The following PAX7 variants were observed in gnomAD, a reference collection of about 807,000 sequenced individuals.
The protein encoded by PAX7 is paired box 7.
Under a neutral mutation model 50.7 loss-of-function variants are expected in PAX7, and 18 were observed. The observed-to-expected ratio is 0.36, with a 90% CI of 0.25 to 0.53. PAX7 has a LOEUF of 0.53. Ranked by LOEUF, PAX7 falls within the 20% of genes least tolerant of loss-of-function variation. The pLI is 0.93. For missense variants in PAX7, 644 were observed against 702.9 expected, an observed-to-expected ratio of 0.92 and a Z score of 0.95; for synonymous variants, 310 against 290.4, an observed-to-expected ratio of 1.07 and a Z score of -0.69.
intron 8 of PAX7, among the ~76,000 whole-genome samples, 186 bp from the exon 9 acceptor site, chr1:18,744,628 G>A (rs1931333494): frequency 6.8e-6 from 1 of 147,244 alleles, no homozygotes; most frequent in South Asian, 2.2e-4. Context: ...AAGGATGATG[G>A]ATGGATGAAA....
chr1:18,634,271 C>T lies in PAX7; in HGVS notation c.86-32C>T, dbSNP rs1418385912. Reference sequence around the variant, plus strand: ...TGCTCTCCATCCTCACCCTGCACCTCTCTCCTTCTGCATCTCCCCTCCCTT... The same window carrying T: ...TGCTCTCCATCCTCACCCTGCACCTTTCTCCTTCTGCATCTCCCCTCCCTT... On this transcript the variant is annotated intron_variant, in intron 1 of 8. Transcript: ENST00000420770. This position sits in a 1 kb window ranked among gnomAD's most constrained non-coding sequence, Gnocchi z 4.0. The T allele has an allele frequency of 2.5e-6, 4 of 1,570,700 alleles. No homozygotes were observed. The highest frequency in any genetic ancestry group is 2.3e-5 in the East Asian group (1 of 44,136).
At position 18,636,234 on chromosome 1, in the gene PAX7, G is replaced by A. The variant is rs758257552; in HGVS notation, c.452-3G>A. ...CTTGCTCTTTTGCCTTTGAATTTCT[G>A]AGGTTTAGTGAGTTCGATTAGCCGC... On this transcript the variant is annotated splice_polypyrimidine_tract_variant and splice_region_variant and intron_variant, in intron 3 of 8. Transcript: ENST00000420770. The surrounding 1 kb of genome is among the most constrained non-coding windows in gnomAD (Gnocchi z 5.1). 2 of 1,613,146 alleles carry A rather than the reference G, an allele frequency of 1.2e-6. No individual in the cohort carries two copies. The highest frequency in any genetic ancestry group is 1.1e-5 in the South Asian group (1 of 90,952).
At chr1:18,689,704 C>T (rs1377714205) in intron 4 of PAX7, among the ~76,000 whole-genome samples, 2 of 152,212 alleles carry the variant, frequency 1.3e-5, no homozygotes, top group African/African-American at 2.4e-5. Context: ...CTCACACATC[C>T]GGGCCATACC....
chr1:18,681,751 T>TTTTATTTTA (rs1239767148), intron 4 of PAX7, among the ~76,000 whole-genome samples: 1 of 136,088 alleles, frequency 7.3e-6, no homozygotes. Context: ...TTTTATTTTA[T>TTTTATTTTA]TTTTATTTTT....
chr1:18,659,577 C>T (rs2088572043), intron 4 of PAX7, among the ~76,000 whole-genome samples: 1 of 152,168 alleles, frequency 6.6e-6, no homozygotes, highest in African/African-American at 2.4e-5. Context: ...TTTGTACTCA[C>T]CTTCCCTGGT....
At chr1:18,724,695 T>A (rs2089536554) in intron 7 of PAX7, among the ~76,000 whole-genome samples, 1 of 152,232 alleles carries the variant, frequency 6.6e-6, no homozygotes, top group African/African-American at 2.4e-5. Context: ...CAACCCCCAG[T>A]GCTTACTAAT....
In PAX7 at chr1:18,635,223, G is replaced by C; in HGVS notation, c.434G>C (p.Arg145Pro). ...DRLLKDGHCD[R>P]STVPSGLVSS... is the part of the protein sequence containing the mutation. Reference sequence around the variant, plus strand: ...CTGCTGAAGGATGGGCACTGTGACCGAAGCACTGTGCCCTCAGGTGAGAAG... The same window carrying C: ...CTGCTGAAGGATGGGCACTGTGACCCAAGCACTGTGCCCTCAGGTGAGAAG... The change falls in exon 3 of 9, where the codon CGA becomes CCA. Residue 145 changes from arginine to proline, a missense_variant. Transcript: ENST00000420770. 1 of 1,613,660 alleles carries C rather than the reference G, an allele frequency of 6.2e-7. No individual in the cohort carries two copies. Among genetic ancestry groups the C allele is most frequent in the Non-Finnish European group, 8.5e-7 (1 of 1,179,810 alleles).
chr1:18,709,516 G>A (rs754860202), intron 7 of PAX7, among the ~76,000 whole-genome samples: 1 of 152,186 alleles, frequency 6.6e-6, no homozygotes, highest in Non-Finnish European at 1.5e-5. Flanking sequence ...GGTCCAGCCT[G>A]TGCCTTTAGT....
intron 7 of PAX7, among the ~76,000 whole-genome samples, chr1:18,715,260 C>CA (rs2089404127): frequency 6.6e-6 from 1 of 152,228 alleles, no homozygotes; most frequent in African/African-American, 2.4e-5. Context: ...GGACACCCCC[C>CA]ACACGGTGGG....
chr1:18,673,451 T>C (rs920807660), intron 4 of PAX7, among the ~76,000 whole-genome samples: 2 of 152,196 alleles, frequency 1.3e-5, no homozygotes, highest in African/African-American at 4.8e-5. Flanking sequence ...AGAACCAGTG[T>C]GTTTTCAGAT....
At chr1:18,690,338 T>G (rs2089048577) in intron 4 of PAX7, among the ~76,000 whole-genome samples, 1 of 152,204 alleles carries the variant, frequency 6.6e-6, no homozygotes, top group Admixed American at 6.5e-5. Context: ...TCTGAGTGTC[T>G]GCTCTCTTTT....
In PAX7 at chr1:18,634,134, T is replaced by A. The variant is rs2100417091; in HGVS notation, c.86-169T>A. 6.6e-6 allele frequency among the ~76,000 whole-genome samples: 1 copy of A among 152,348 alleles called. No homozygotes were observed. The highest frequency in any genetic ancestry group is 2.4e-5 in the African/African-American group (1 of 41,582). ...AGATTTCCTAGATTTATGACAGTTG[T>A]TTCTCAAACTACCTACCTACCGAAG... On this transcript the variant is annotated intron_variant, in intron 1 of 8. Coordinates refer to ENST00000420770, the MANE Select transcript of PAX7 (RefSeq NM_001135254.2). The surrounding 1 kb of genome is among the most constrained non-coding windows in gnomAD (Gnocchi z 4.0).
chr1:18,731,409 G>A (rs953332812), intron 7 of PAX7, among the ~76,000 whole-genome samples: 4 of 152,116 alleles, frequency 2.6e-5, no homozygotes, highest in Non-Finnish European at 5.9e-5. Flanking sequence ...CTAGGGACCC[G>A]GGAGACCTGG....
chr1:18,643,834 G>A (rs1369714484), intron 4 of PAX7, among the ~76,000 whole-genome samples: 2 of 152,220 alleles, frequency 1.3e-5, no homozygotes, highest in African/African-American at 2.4e-5. Flanking sequence ...CCGGCAGGGC[G>A]GGAGGGAGGC....
intron 7 of PAX7, among the ~76,000 whole-genome samples, chr1:18,733,944 T>C (rs911969311): frequency 2.6e-5 from 4 of 152,006 alleles, no homozygotes; most frequent in Non-Finnish European, 4.4e-5. Flanking sequence ...GCCCCACAAA[T>C]CTCTGTGGGC....
At position 18,632,360 on chromosome 1, in the gene PAX7, G is replaced by A. The variant is rs1293525209; in HGVS notation, c.85+672G>A. 6.6e-6 allele frequency among the ~76,000 whole-genome samples: 1 copy of A among 152,084 alleles called. No homozygotes were observed. Among genetic ancestry groups the A allele is most frequent in the African/African-American group, 2.4e-5 (1 of 41,434 alleles). The stretch of plus-strand genomic sequence containing the variant: ...TTAGAGAACCTCTAAACGGCGAGAG[G>A]GGCACGGCAATGTCCAAACGAGAAG... On this transcript the variant is annotated intron_variant, in intron 1 of 8. Coordinates refer to ENST00000420770, the MANE Select transcript of PAX7 (RefSeq NM_001135254.2). This position sits in a 1 kb window ranked among gnomAD's most constrained non-coding sequence, Gnocchi z 6.3.
intron 7 of PAX7, among the ~76,000 whole-genome samples, chr1:18,705,853 G>A (rs2089276808): frequency 1.3e-5 from 2 of 152,152 alleles, no homozygotes; most frequent in South Asian, 4.1e-4. Flanking sequence ...TCAGGGCTGG[G>A]AGGCTGACAT....
In PAX7 at chr1:18,631,758, G is replaced by T. The variant is rs142939892; in HGVS notation, c.85+70G>T. 6.4e-4 allele frequency: 819 copies of T among 1,272,198 alleles called. 4 individuals carry two copies. Among genetic ancestry groups the T allele is most frequent in the South Asian group, 2.8e-3 (220 of 79,472 alleles). 78.8% of individuals were successfully genotyped at this position (1,272,198 alleles called of 1,614,324 possible). On this transcript the variant is annotated intron_variant, in intron 1 of 8. Transcript: ENST00000420770. ...ACTCGGGGTCCTTGGAGAGGCTGCG[G>T]TCTCCAGGGGACGGTGGCGGCGCCG...
chr1:18,703,560 G>C (rs1474574240), intron 7 of PAX7, among the ~76,000 whole-genome samples: 2 of 152,234 alleles, frequency 1.3e-5, no homozygotes, highest in Non-Finnish European at 2.9e-5. Context: ...ACTCTACCCT[G>C]ATTGGTCAAT....
Sources: gnomAD v4.1 joint callset for allele counts (sites outside exome capture counted in the v4.1 genomes callset) on GRCh38, gnomAD v4.1.1 for gene constraint, Gnocchi (gnomAD v3.1) non-coding constraint, MANE v1.5 for transcripts, NCBI Gene and HGNC (gene_info 2026-07-23, HGNC 2026-07-21) for gene names.